CD6: variants seen among roughly 807,000 people sequenced by gnomAD.
CD6 encodes CD6 molecule, also known as T-cell differentiation antigen CD6.
Under a neutral mutation model 75.3 loss-of-function variants are expected in CD6, and 53 were observed. The observed-to-expected ratio is 0.70, with a 90% CI of 0.56 to 0.88. The LOEUF is 0.88. CD6 is among the 40% of genes least tolerant of loss of function. CD6 has a pLI of 0.00. For missense variants in CD6, 770 were observed against 897.1 expected (o/e 0.86, Z 1.81); for synonymous variants, 359 against 381.5 (o/e 0.94, Z 0.69).
At chr11:61,009,065 G>A (rs928508677) in intron 4 of CD6, among the ~76,000 whole-genome samples, 1 of 152,146 alleles carries the variant, frequency 6.6e-6, no homozygotes, top group South Asian at 2.1e-4. Context: ...CAGACCATGC[G>A]GAGCTGTAGG....
intron 1 of CD6, among the ~76,000 whole-genome samples, chr11:60,999,017 G>A (rs1858445949): frequency 6.6e-6 from 1 of 152,110 alleles, no homozygotes; most frequent in Non-Finnish European, 1.5e-5. Context: ...AATTAGGCGG[G>A]CATGGTGGCA....
At chr11:61,018,144 G>C in intron 11 of CD6, 131 bp downstream of exon 11, 1 of 1,325,650 alleles carries the variant, frequency 7.5e-7, no homozygotes, top group Middle Eastern at 2.7e-4. Context: ...TGTGCCCTTG[G>C]ACACATCTCC....
At chr11:60,982,850 C>T in intron 1 of CD6, 2 of 414,496 alleles carry the variant, frequency 4.8e-6, no homozygotes, top group East Asian at 1.4e-4. Flanking sequence ...TTTCCAGGGC[C>T]TCTTCCCACG....
chr11:61,012,952 T>A (rs1461635267), intron 6 of CD6, among the ~76,000 whole-genome samples: 8 of 152,218 alleles, frequency 5.3e-5, no homozygotes, highest in Non-Finnish European at 2.9e-5. Flanking sequence ...TAGGGCCTCA[T>A]GCCCCCAGTG....
rs1260574877 is a variant in CD6, at chr11:61,015,741, C to T, written c.1416C>T (p.Ala472=). The change falls in exon 9 of 13, where the codon GCC becomes GCT. Residue 472 remains alanine (A), a synonymous_variant. Transcript: ENST00000313421. ...EVFMLPIQVQ[A]PPPEDSDSGS... is the part of the protein sequence containing the mutation. ...TCATGCTGCCCATCCAGGTCCAGGC[C>T]CCGCCCCCTGAGGACTCAGACTCTG... 5.0e-6 allele frequency: 8 copies of T among 1,614,222 alleles called. No individual in the cohort carries two copies. The highest frequency in any genetic ancestry group is 6.8e-6 in the Non-Finnish European group (8 of 1,180,034).
At chr11:60,996,406 G>A (rs1263008382) in intron 1 of CD6, among the ~76,000 whole-genome samples, 3 of 152,144 alleles carry the variant, frequency 2.0e-5, no homozygotes, top group Non-Finnish European at 2.9e-5. Flanking sequence ...AGTCCATCTG[G>A]CTGCTTCCCA....
chr11:60,983,636 T>G (rs117883663), intron 1 of CD6, among the ~76,000 whole-genome samples: 3,512 of 151,862 alleles, frequency 0.023, 54 homozygotes, highest in Non-Finnish European at 0.034. Context: ...TGTTGTTGTT[T>G]TTTTTTTTTA....
intron 1 of CD6, among the ~76,000 whole-genome samples, chr11:61,005,918 C>T (rs535306883): frequency 2.8e-5 from 4 of 142,294 alleles, no homozygotes; most frequent in South Asian, 2.3e-4. Context: ...GCAACAAGAG[C>T]GAAACTCTGT....
chr11:61,010,572 A>C (rs1343124179), intron 5 of CD6, among the ~76,000 whole-genome samples: 1 of 152,200 alleles, frequency 6.6e-6, no homozygotes, highest in East Asian at 1.9e-4. Context: ...ACGAGCAAGG[A>C]GGCTTCCGAC....
At position 61,009,798 on chromosome 11, in the gene CD6, C is replaced by T; in HGVS notation, c.1008C>T (p.Thr336=). 1.2e-6 allele frequency: 2 copies of T among 1,608,998 alleles called. No homozygotes were observed. The highest frequency in any genetic ancestry group is 1.7e-6 in the Non-Finnish European group (2 of 1,177,220). Reference sequence around the variant, plus strand: ...ACTCATGCAATGGGGAGGAGCTCACCCTCTCCAACTGCTCCTGGCGGTTCA... The same window carrying T: ...ACTCATGCAATGGGGAGGAGCTCACTCTCTCCAACTGCTCCTGGCGGTTCA... ...MYYSCNGEEL[T]LSNCSWRFNN... The change falls in exon 5 of 13, where the codon ACC becomes ACT. Residue 336 remains threonine (T), a synonymous_variant. Transcript: ENST00000313421.
chr11:61,005,856 G>A (rs1310238835), intron 1 of CD6, among the ~76,000 whole-genome samples: 2 of 151,998 alleles, frequency 1.3e-5, no homozygotes, highest in East Asian at 1.9e-4. Flanking sequence ...GCTTGAATCT[G>A]GGAGGTGGAG....
In CD6 at chr11:61,007,943, T is replaced by G. The variant is rs1858950077; in HGVS notation, c.469+33T>G. On this transcript the variant is annotated intron_variant, in intron 3 of 12. Transcript: ENST00000313421. The surrounding 1 kb of genome is among the most constrained non-coding windows in gnomAD (Gnocchi z 4.2). The stretch of plus-strand genomic sequence containing the variant: ...CGCACCCCCTACACGGGCCCCCACC[T>G]GCCCCACTCCCCAGGCCTTCAGCCA... The G allele has an allele frequency of 2.4e-6, 3 of 1,255,932 alleles. No homozygotes were observed. The highest frequency in any genetic ancestry group is 3.0e-6 in the Non-Finnish European group (3 of 988,000). 77.8% of individuals were successfully genotyped at this position (1,255,932 alleles called of 1,614,324 possible). A position where few individuals can be genotyped will look rare whatever the true frequency, so the allele number is the denominator to read the frequency against.
intron 6 of CD6, 116 bp downstream of exon 6, chr11:61,011,251 C>A: frequency 1.2e-6 from 1 of 821,436 alleles, no homozygotes; most frequent in Non-Finnish European, 2.0e-6. Flanking sequence ...GGTCCTCATC[C>A]TCCACCTCCA....
intron 1 of CD6, among the ~76,000 whole-genome samples, chr11:60,975,774 AGT>A (rs1178988832): frequency 6.6e-6 from 1 of 152,198 alleles, no homozygotes. Flanking sequence ...ACTTCACTCC[AGT>A]CTGGGCGATG....
At chr11:60,984,483 C>T (rs1040620776) in intron 1 of CD6, among the ~76,000 whole-genome samples, 2 of 152,204 alleles carry the variant, frequency 1.3e-5, no homozygotes, top group Admixed American at 6.5e-5. Context: ...AGGGCTAGTT[C>T]TCCCTCCATC....
chr11:60,987,544 G>GGT (rs141839749), intron 1 of CD6, among the ~76,000 whole-genome samples: 11,988 of 150,602 alleles, frequency 0.08, 647 homozygotes, highest in Non-Finnish European at 0.12. Context: ...GTGTGTGTAG[G>GGT]GTGTGTGTGT....
At chr11:61,018,623 GC>G in intron 12 of CD6, 1 of 533,902 alleles carries the variant, frequency 1.9e-6, no homozygotes. Context: ...TTTACGACTA[GC>G]CCCGGGAACA....
chr11:60,983,100 CTT>C (rs34513880), intron 1 of CD6, among the ~76,000 whole-genome samples: 47 of 143,076 alleles, frequency 3.3e-4, no homozygotes, highest in Non-Finnish European at 3.8e-4. Flanking sequence ...TTTTACTTCA[CTT>C]TTTTTTTTTT....
At chr11:61,009,512 G>T in intron 4 of CD6, 60 bp from the exon 5 acceptor site, 1 of 1,470,958 alleles carries the variant, frequency 6.8e-7, no homozygotes. Flanking sequence ...GGTCTGGGCT[G>T]GCGGGAATTT....
Sources: allele counts gnomAD v4.1 joint callset (sites outside exome capture counted in the v4.1 genomes callset), GRCh38; gene constraint gnomAD v4.1.1; non-coding constraint Gnocchi (gnomAD v3.1); transcripts MANE v1.5; gene names NCBI Gene and HGNC (gene_info 2026-07-23, HGNC 2026-07-21).